CELF2: variants seen among roughly 807,000 people sequenced by gnomAD.
The protein encoded by CELF2 is CUG triplet repeat RNA-binding protein 2.
Under a neutral mutation model 62.6 loss-of-function variants are expected in CELF2, and 8 were observed. That is an observed-to-expected ratio of 0.13 (90% confidence interval 0.07 to 0.23). The LOEUF (loss-of-function observed/expected upper bound fraction) is 0.23, where lower values mean the gene tolerates loss of function less well. CELF2 is among the 10% of genes least tolerant of loss of function. The pLI is 1.00. For synonymous variants in CELF2, 258 were observed against 250.0 expected (o/e 1.03, Z -0.30); for missense variants, 333 against 671.0 (o/e 0.50, Z 5.56).
intron 10 of CELF2, chr10:11,320,816 T>G (rs997050395): frequency 6.6e-7 from 1 of 1,509,448 alleles, no homozygotes; most frequent in African/African-American, 1.4e-5. Flanking sequence ...TACAGGCCTC[T>G]GCTACTAAGG....
chr10:10,618,717 C>T, the CELF2 span, among the ~76,000 whole-genome samples: 5 of 151,958 alleles, frequency 3.3e-5, no homozygotes, highest in African/African-American at 1.2e-4. Context: ...AAGGTCGTTG[C>T]CTCACGCCAA....
intron 1 of CELF2, among the ~76,000 whole-genome samples, chr10:10,875,686 T>C (rs1477119947): frequency 6.6e-6 from 1 of 151,614 alleles, no homozygotes; most frequent in East Asian, 2.0e-4. Flanking sequence ...TTACATCTAA[T>C]CCTAGAAAAG....
At chr10:10,628,059 C>T in the CELF2 span, among the ~76,000 whole-genome samples, 3 of 152,102 alleles carry the variant, frequency 2.0e-5, no homozygotes, top group African/African-American at 4.8e-5. Context: ...CCCGCCACCA[C>T]GCCTAGCTCA....
intron 1 of CELF2, among the ~76,000 whole-genome samples, chr10:11,108,348 G>GTTTTTT (rs138546101): frequency 1.3e-5 from 2 of 149,534 alleles, no homozygotes; most frequent in African/African-American, 2.5e-5. Context: ...CTGGTTCACT[G>GTTTTTT]TTTTTTTGTT....
the CELF2 span, among the ~76,000 whole-genome samples, chr10:10,465,363 A>G: frequency 2.0e-5 from 3 of 152,144 alleles, no homozygotes; most frequent in Admixed American, 6.6e-5. Context: ...TAATTAGTCT[A>G]TGATGACCTT....
At chr10:11,037,835 C>G (rs1057173734) in intron 1 of CELF2, among the ~76,000 whole-genome samples, 7 of 152,182 alleles carry the variant, frequency 4.6e-5, no homozygotes, top group African/African-American at 1.7e-4. Flanking sequence ...AGTTCATGGT[C>G]CTATGATTTT....
intron 1 of CELF2, among the ~76,000 whole-genome samples, chr10:10,905,269 G>A (rs544355606): frequency 6.6e-6 from 1 of 152,162 alleles, no homozygotes; most frequent in Non-Finnish European, 1.5e-5. Flanking sequence ...TCAGTATTTT[G>A]AATATTGAGA....
At chr10:10,575,703 A>G in the CELF2 span, among the ~76,000 whole-genome samples, 1 of 152,194 alleles carries the variant, frequency 6.6e-6, no homozygotes, top group African/African-American at 2.4e-5. Context: ...AACACATCCA[A>G]TTAAAACAGG....
rs146786975 is a variant in CELF2 at position 11,314,084 on chromosome 10, G to A, written c.977-55G>A. On this transcript the variant is annotated intron_variant, in intron 9 of 12. Coordinates refer to ENST00000633077, the MANE Select transcript of CELF2 (RefSeq NM_001326342.2). This position sits in a 1 kb window ranked among gnomAD's most constrained non-coding sequence, Gnocchi z 5.3. ...TGATGACAGAAGGATTTCCAGTCTC[G>A]GCTCTCACTCACCTCGTGTCTTCTC... 133 of 1,536,432 alleles carry A rather than the reference G, an allele frequency of 8.7e-5. 1 individual carries two copies. In the African/African-American group the frequency reaches 1.2e-3, roughly 14 times the overall value.
At chr10:10,832,083 C>T (rs1426254397) in intron 1 of CELF2, among the ~76,000 whole-genome samples, 6 of 151,786 alleles carry the variant, frequency 4.0e-5, no homozygotes, top group South Asian at 4.1e-4. Context: ...TCCTGGCCAA[C>T]GTGGTAAAAC....
chr10:11,031,586 C>A (rs1470412398), intron 1 of CELF2, among the ~76,000 whole-genome samples: 1 of 152,208 alleles, frequency 6.6e-6, no homozygotes, highest in Non-Finnish European at 1.5e-5. Context: ...TTACTCTTGG[C>A]AGGACACAAG....
chr10:11,099,475 G>T (rs981197256), intron 1 of CELF2, among the ~76,000 whole-genome samples: 2 of 151,868 alleles, frequency 1.3e-5, no homozygotes, highest in African/African-American at 4.8e-5. Context: ...TCTTCTGTTC[G>T]TTGGCTCTTT....
chr10:10,529,436 C>T, the CELF2 span, among the ~76,000 whole-genome samples: 4 of 152,248 alleles, frequency 2.6e-5, no homozygotes, highest in African/African-American at 9.6e-5. Context: ...CCTATAATCC[C>T]AGCACTATGG....
chr10:11,282,383 C>T (rs1308645372), intron 8 of CELF2, among the ~76,000 whole-genome samples: 2 of 152,152 alleles, frequency 1.3e-5, no homozygotes, highest in Admixed American at 6.5e-5. Context: ...GAGAATGGCT[C>T]ATGGTGTTTT....
intron 1 of CELF2, among the ~76,000 whole-genome samples, chr10:10,875,286 G>A (rs2061010837): frequency 6.6e-6 from 1 of 152,078 alleles, no homozygotes; most frequent in African/African-American, 2.4e-5. Flanking sequence ...CTCTACATAT[G>A]CTATTTCTGC....
At chr10:10,586,143 G>T in the CELF2 span, among the ~76,000 whole-genome samples, 1 of 152,206 alleles carries the variant, frequency 6.6e-6, no homozygotes, top group Admixed American at 6.5e-5. Context: ...CTCTGAGGCA[G>T]GGCCTGTCTT....
rs932437289 is a variant in CELF2 at position 10,936,502 on chromosome 10, T to C, written c.89+16503T>C. 6.6e-6 allele frequency: 1 copy of C among 152,192 alleles called. No homozygotes were observed. Among genetic ancestry groups the C allele is most frequent in the Non-Finnish European group, 1.5e-5 (1 of 68,060 alleles). The allele number at this position is 152,192 out of a possible 1,614,324, so 9.4% of individuals were successfully genotyped here. A position where few individuals can be genotyped will look rare whatever the true frequency, so the allele number is the denominator to read the frequency against. On this transcript the variant is annotated intron_variant, in intron 2 of 13. Transcript: ENST00000636488. This position sits in a 1 kb window ranked among gnomAD's most constrained non-coding sequence, Gnocchi z 4.0. Reference sequence around the variant, plus strand: ...AAACTAAGTCCTCATGACCACACTGTGTGGGATCACTGGACAAGCTAACAT... The same window carrying C: ...AAACTAAGTCCTCATGACCACACTGCGTGGGATCACTGGACAAGCTAACAT...
chr10:10,733,436 GA>G, the CELF2 span, among the ~76,000 whole-genome samples: 137 of 148,756 alleles, frequency 9.2e-4, no homozygotes, highest in African/African-American at 3.3e-3. Context: ...AGGAGGTAGT[GA>G]AAAAAAAAAG....
At chr10:10,992,518 C>T (rs753158524) in intron 2 of CELF2, among the ~76,000 whole-genome samples, 14 of 151,982 alleles carry the variant, frequency 9.2e-5, no homozygotes, top group Admixed American at 2.0e-4. Context: ...CGAAGGAGGG[C>T]GCAAAGAATT....
Sources: gnomAD v4.1 joint callset for allele counts (sites outside exome capture counted in the v4.1 genomes callset) on GRCh38, gnomAD v4.1.1 for gene constraint, Gnocchi (gnomAD v3.1) non-coding constraint, MANE v1.5 for transcripts, NCBI Gene and HGNC (gene_info 2026-07-23, HGNC 2026-07-21) for gene names.